Variants in LINGO2 observed in about 807,000 individuals in gnomAD.
The protein encoded by LINGO2 is leucine rich repeat and Ig domain containing 2, also known as leucine-rich repeat and immunoglobulin-like domain-containing nogo receptor-interacting protein 2.
LINGO2 carries 14 observed loss-of-function variants against 30.6 expected under a neutral mutation model. The ratio of observed to expected loss-of-function variants is 0.46; its 90% CI spans 0.30 to 0.72. The LOEUF is 0.72. Ranked by LOEUF, LINGO2 falls within the 30% of genes least tolerant of loss-of-function variation. The probability of loss-of-function intolerance (pLI) is 0.07; values close to 1 mark genes in which losing one functional copy is unlikely to be tolerated. For missense variants in LINGO2, 729 were observed against 751.7 expected (o/e 0.97, Z 0.35); for synonymous variants, 317 against 288.5 (o/e 1.10, Z -1.00).
chr9:28,539,893 G>C lies in LINGO2; in HGVS notation c.-364-63868C>G, dbSNP rs146426007. ...AAAATTAGTCTATGTTCAGCAGAGAGTGTAGGAGCAGCTGGTAAACAATAT... is the reference window on the plus strand; with the variant it reads ...AAAATTAGTCTATGTTCAGCAGAGACTGTAGGAGCAGCTGGTAAACAATAT... On this transcript the variant is annotated intron_variant, in intron 1 of 5. Coordinates refer to ENST00000379992, the Ensembl canonical transcript of LINGO2. 9.9e-3 allele frequency among the ~76,000 whole-genome samples: 1,513 copies of C among 152,248 alleles called. 14 individuals carry two copies. Among genetic ancestry groups the C allele is most frequent in the Admixed American group, 0.017 (264 of 15,270 alleles).
At chr9:28,418,327 G>A (rs542462506) in intron 2 of LINGO2, among the ~76,000 whole-genome samples, 12 of 143,274 alleles carry the variant, frequency 8.4e-5, no homozygotes, top group African/African-American at 3.2e-4. Context: ...AGCCCAGGCT[G>A]GAGTGCAGTG....
intron 4 of LINGO2, among the ~76,000 whole-genome samples, chr9:28,242,272 A>T (rs1587307528): frequency 6.6e-6 from 1 of 152,302 alleles, no homozygotes; most frequent in East Asian, 1.9e-4. Flanking sequence ...GTTCAGATAG[A>T]AACATAAATG....
At chr9:28,277,894 T>C (rs4324996) in intron 4 of LINGO2, among the ~76,000 whole-genome samples, 146,552 of 151,562 alleles carry the variant, frequency 0.97, 70,959 homozygotes, top group Middle Eastern at 1. Context: ...GTGAGAAAGG[T>C]ATGTGGAAAG....
chr9:28,281,693 G>C (rs10968433), intron 4 of LINGO2, among the ~76,000 whole-genome samples: 33,770 of 151,894 alleles, frequency 0.22, 4,204 homozygotes, highest in Non-Finnish European at 0.29. Context: ...CTCATACAAG[G>C]ATAGGTGATA....
the LINGO2 span, among the ~76,000 whole-genome samples, chr9:29,143,923 T>C: frequency 1.3e-5 from 2 of 152,216 alleles, no homozygotes; most frequent in African/African-American, 4.8e-5. Flanking sequence ...AAGTATTTAA[T>C]GCATCTTAAG....
chr9:29,211,695 G>A, the LINGO2 span, among the ~76,000 whole-genome samples: 3 of 152,100 alleles, frequency 2.0e-5, no homozygotes, highest in Non-Finnish European at 4.4e-5. Context: ...GACTTCACCA[G>A]CAGGTGAAGA....
intron 3 of LINGO2, among the ~76,000 whole-genome samples, chr9:28,322,185 C>G (rs1825067822): frequency 6.6e-6 from 1 of 152,128 alleles, no homozygotes; most frequent in African/African-American, 2.4e-5. Flanking sequence ...TCCAACTGTC[C>G]CTTTTGCCTG....
At chr9:28,535,138 A>T (rs754868001) in intron 1 of LINGO2, among the ~76,000 whole-genome samples, 1 of 152,184 alleles carries the variant, frequency 6.6e-6, no homozygotes. Context: ...TGTTCATTAC[A>T]ATAAACACAG....
chr9:28,585,447 T>C (rs1824482971), intron 1 of LINGO2, among the ~76,000 whole-genome samples: 2 of 151,976 alleles, frequency 1.3e-5, no homozygotes, highest in South Asian at 2.1e-4. Flanking sequence ...ATGGTTCAAC[T>C]TAGGATTTTT....
At chr9:28,344,875 C>A (rs116358619) in intron 3 of LINGO2, among the ~76,000 whole-genome samples, 3,690 of 152,240 alleles carry the variant, frequency 0.024, 54 homozygotes, top group Middle Eastern at 0.044. Context: ...AGTTCCCCAA[C>A]TGCACCAAAG....
the LINGO2 span, among the ~76,000 whole-genome samples, chr9:28,941,807 A>G: frequency 6.6e-6 from 1 of 152,182 alleles, no homozygotes; most frequent in African/African-American, 2.4e-5. Context: ...TGGTATACAG[A>G]TATTTTAATC....
chr9:28,990,672 G>A, the LINGO2 span, among the ~76,000 whole-genome samples: 4 of 152,094 alleles, frequency 2.6e-5, no homozygotes, highest in African/African-American at 7.2e-5. Flanking sequence ...CCAGAGGAAC[G>A]ATCAGACAGC....
the LINGO2 span, among the ~76,000 whole-genome samples, chr9:29,026,169 A>T: frequency 2.6e-5 from 4 of 152,056 alleles, no homozygotes; most frequent in Non-Finnish European, 5.9e-5. Flanking sequence ...AGTAACTGGG[A>T]CTACAGGCGC....
chr9:28,635,915 T>G (rs1408821098), intron 1 of LINGO2, among the ~76,000 whole-genome samples: 2 of 152,134 alleles, frequency 1.3e-5, no homozygotes, highest in Non-Finnish European at 2.9e-5. Flanking sequence ...TGTTGGTGTG[T>G]AGCACCCAGT....
chr9:28,745,075 G>GC, the LINGO2 span, among the ~76,000 whole-genome samples: 3 of 151,966 alleles, frequency 2.0e-5, no homozygotes, highest in Non-Finnish European at 4.4e-5. Context: ...ATTTATCCTT[G>GC]CCCATGTTCA....
At chr9:27,987,517 C>A (rs7018573) in intron 5 of LINGO2, among the ~76,000 whole-genome samples, 1 of 151,842 alleles carries the variant, frequency 6.6e-6, no homozygotes, top group African/African-American at 2.4e-5. Context: ...CCCCAAACAG[C>A]TAAGACAATA....
At chr9:27,954,466 C>G (rs1819465433) in intron 5 of LINGO2, among the ~76,000 whole-genome samples, 1 of 152,150 alleles carries the variant, frequency 6.6e-6, no homozygotes. Context: ...CTGTGCTCGG[C>G]TTAATTCACT....
chr9:28,600,626 T>C (rs191581241), intron 1 of LINGO2, among the ~76,000 whole-genome samples: 185 of 152,206 alleles, frequency 1.2e-3, no homozygotes, highest in Admixed American at 6.4e-3. Flanking sequence ...TTTTATTTTA[T>C]TTAATATAAA....
chr9:28,126,619 G>C (rs753342730), intron 4 of LINGO2, among the ~76,000 whole-genome samples: 1 of 152,212 alleles, frequency 6.6e-6, no homozygotes, highest in Non-Finnish European at 1.5e-5. Flanking sequence ...GCACCTAGGG[G>C]TCCCTCAAAG....
Sources: allele counts gnomAD v4.1 joint callset (sites outside exome capture counted in the v4.1 genomes callset), GRCh38; gene constraint gnomAD v4.1.1; transcripts MANE v1.5; gene names NCBI Gene and HGNC (gene_info 2026-07-23, HGNC 2026-07-21).